Variants in FCHO2 observed in about 807,000 individuals in gnomAD.
FCHO2 encodes the protein FCH and mu domain containing endocytic adaptor 2.
Under a neutral mutation model 114.1 loss-of-function variants are expected in FCHO2, and 43 were observed. The ratio of observed to expected loss-of-function variants is 0.38; its 90% confidence interval spans 0.30 to 0.49. The LOEUF is 0.49. FCHO2 is among the 20% of genes least tolerant of loss of function. The probability of loss-of-function intolerance (pLI) is 0.97; values close to 1 mark genes in which losing one functional copy is unlikely to be tolerated. For synonymous variants in FCHO2, 293 were observed against 315.2 expected (o/e 0.93, Z 0.75); for missense variants, 807 against 950.4 (o/e 0.85, Z 1.98).
At position 73,054,162 on chromosome 5, in the gene FCHO2, A is replaced by G; in HGVS notation, c.1176A>G (p.Arg392=). The change falls in exon 14 of 26, where the codon AGA becomes AGG. Residue 392 remains arginine (R), a splice_region_variant and synonymous_variant. Transcript: ENST00000430046. ...GNITLSPAIS[R]HSPVQMNRNL... ...CTTTTTCTTCCATGTACTACTAGAG[A>G]CACAGTCCAGTAAGTACAAGATTTT... The G allele has an allele frequency of 6.6e-7, 1 of 1,522,574 alleles. No homozygotes were observed. Among genetic ancestry groups the G allele is most frequent in the South Asian group, 1.3e-5 (1 of 79,124 alleles). 94.3% of individuals were successfully genotyped at this position (1,522,574 alleles called of 1,614,324 possible). A position where few individuals can be genotyped will look rare whatever the true frequency, so the allele number is the denominator to read the frequency against.
intron 24 of FCHO2, among the ~76,000 whole-genome samples, chr5:73,085,059 A>G (rs1416172516): frequency 2.6e-5 from 4 of 152,172 alleles, no homozygotes; most frequent in Non-Finnish European, 5.9e-5. Flanking sequence ...TCTCTCAAAA[A>G]TAAGACACAG....
At chr5:73,041,150 T>G (rs1452449365) in intron 10 of FCHO2, 141 bp from the exon 11 acceptor site, 1 of 607,414 alleles carries the variant, frequency 1.6e-6, no homozygotes, top group Non-Finnish European at 2.9e-6. Flanking sequence ...TATGTTTTAA[T>G]CTTCATGGTT....
intron 8 of FCHO2, among the ~76,000 whole-genome samples, chr5:73,027,877 C>T (rs1756024162): frequency 6.6e-6 from 1 of 152,008 alleles, no homozygotes; most frequent in African/African-American, 2.4e-5. Flanking sequence ...GCAGTAGACA[C>T]TTAATAGAGT....
At chr5:73,008,527 T>C (rs1754834831) in intron 6 of FCHO2, among the ~76,000 whole-genome samples, 1 of 152,116 alleles carries the variant, frequency 6.6e-6, no homozygotes, top group African/African-American at 2.4e-5. Context: ...AAGGAAGGGA[T>C]CAATGTTCAA....
chr5:73,035,307 T>C (rs1580140791), intron 9 of FCHO2, among the ~76,000 whole-genome samples: 2 of 152,166 alleles, frequency 1.3e-5, no homozygotes, highest in East Asian at 3.9e-4. Context: ...TAGTCCCAGC[T>C]ACTGGGAAGG....
chr5:72,982,753 A>T (rs1299276101), intron 2 of FCHO2, among the ~76,000 whole-genome samples: 1 of 143,834 alleles, frequency 7.0e-6, no homozygotes, highest in Non-Finnish European at 1.5e-5. Context: ...TTGTAGTTTT[A>T]TGTTTTACAT....
intron 2 of FCHO2, among the ~76,000 whole-genome samples, chr5:72,970,802 A>G (rs1440727307): frequency 1.3e-5 from 2 of 151,980 alleles, no homozygotes; most frequent in Admixed American, 6.6e-5. Context: ...TGCACCCACT[A>G]ACTCGTCATC....
rs755657800 is a variant in FCHO2 at position 72,968,520 on chromosome 5, A to T, written c.56A>T (p.Asp19Val). 1.3e-6 allele frequency: 2 copies of T among 1,528,698 alleles called. No homozygotes were observed. Among genetic ancestry groups the T allele is most frequent in the Non-Finnish European group, 1.7e-6 (2 of 1,146,872 alleles). 94.7% of individuals were successfully genotyped at this position (1,528,698 alleles called of 1,614,324 possible). Residue 19 changes from aspartate to valine, a missense_variant, in exon 2 of 26, where the codon GAT (aspartate) becomes GTT (valine). By Grantham distance (152) the Asp-to-Val change is radical. Transcript: ENST00000430046. ...TAGGGGGAAAAAAATAGTGGCTTTG[A>T]TGTCCTCTACCATAATATGAAACAT... ...NFWGEKNSGF[D>V]VLYHNMKHGQ...
At chr5:72,978,056 T>G (rs1752984722) in intron 2 of FCHO2, among the ~76,000 whole-genome samples, 1 of 152,184 alleles carries the variant, frequency 6.6e-6, no homozygotes, top group Non-Finnish European at 1.5e-5. Context: ...GCCTCCAGCT[T>G]TGTTCTTTTT....
chr5:73,014,674 CT>C (rs1755206647), intron 6 of FCHO2, among the ~76,000 whole-genome samples: 1 of 152,104 alleles, frequency 6.6e-6, no homozygotes, highest in Non-Finnish European at 1.5e-5. Context: ...GTAGTTTTTG[CT>C]TTGCCAACTG....
intron 5 of FCHO2, among the ~76,000 whole-genome samples, chr5:73,003,500 A>G (rs998287457): frequency 4.6e-5 from 7 of 152,108 alleles, no homozygotes; most frequent in African/African-American, 1.7e-4. Flanking sequence ...GTAAAAGTGT[A>G]TGCACAGTCA....
chr5:73,029,599 A>G (rs1189241714), intron 8 of FCHO2, among the ~76,000 whole-genome samples: 1 of 152,220 alleles, frequency 6.6e-6, no homozygotes, highest in Non-Finnish European at 1.5e-5. Context: ...TAAAGAAAAG[A>G]TATTTAACTT....
rs1413298824 is a variant in FCHO2, at chr5:72,971,825, T to C, written c.125+3236T>C. 2.0e-5 allele frequency among the ~76,000 whole-genome samples: 3 copies of C among 152,366 alleles called. No individual in the cohort carries two copies. The East Asian group carries it at 5.8e-4, about 29-fold the overall frequency. On this transcript the variant is annotated intron_variant, in intron 2 of 25. Coordinates refer to ENST00000430046, the MANE Select transcript of FCHO2 (RefSeq NM_138782.3). ...CCTAGGTTTTCTTCTAGGGTTTTTATGGTTTTAGGTCGAACATTTAAGTCT... is the reference window on the plus strand; with the variant it reads ...CCTAGGTTTTCTTCTAGGGTTTTTACGGTTTTAGGTCGAACATTTAAGTCT...
intron 15 of FCHO2, among the ~76,000 whole-genome samples, chr5:73,055,765 A>G (rs1047888192): frequency 1.3e-5 from 2 of 152,184 alleles, no homozygotes; most frequent in African/African-American, 4.8e-5. Flanking sequence ...ACATTTTTCT[A>G]ATTTTTAAAG....
intron 7 of FCHO2, 138 bp downstream of exon 7, chr5:73,015,862 T>C (rs975495631): frequency 9.0e-6 from 4 of 443,464 alleles, no homozygotes; most frequent in Non-Finnish European, 1.6e-5. Flanking sequence ...GTAAAGATAA[T>C]ATATTTACAT....
intron 8 of FCHO2, among the ~76,000 whole-genome samples, chr5:73,022,108 A>G (rs1300770612): frequency 6.6e-6 from 1 of 152,184 alleles, no homozygotes; most frequent in Non-Finnish European, 1.5e-5. Context: ...GAAAAATTAG[A>G]CTAGAACTAA....
chr5:72,986,651 C>G (rs936030040), intron 2 of FCHO2, among the ~76,000 whole-genome samples: 4 of 152,136 alleles, frequency 2.6e-5, no homozygotes, highest in Admixed American at 2.6e-4. Flanking sequence ...TAATCTTATT[C>G]ACTATTACAG....
intron 1 of FCHO2, among the ~76,000 whole-genome samples, chr5:72,966,827 T>C (rs1287050637): frequency 6.6e-6 from 1 of 152,278 alleles, no homozygotes; most frequent in Non-Finnish European, 1.5e-5. Context: ...TAAAAACTGC[T>C]GCCTGTAAAG....
intron 24 of FCHO2, among the ~76,000 whole-genome samples, chr5:73,087,031 G>A (rs1300769304): frequency 6.6e-6 from 1 of 152,024 alleles, no homozygotes; most frequent in Non-Finnish European, 1.5e-5. Context: ...TTGGTTTACT[G>A]TTCCTGCCAT....
Sources: allele counts gnomAD v4.1 joint callset (sites outside exome capture counted in the v4.1 genomes callset), GRCh38; gene constraint gnomAD v4.1.1; transcripts MANE v1.5; gene names NCBI Gene and HGNC (gene_info 2026-07-23, HGNC 2026-07-21).